EEFSEC: variants seen among roughly 807,000 people sequenced by gnomAD.
The protein encoded by EEFSEC is eukaryotic elongation factor, selenocysteine-tRNA specific.
In EEFSEC, 43 loss-of-function variants were observed where a neutral mutation model predicts 42.1. That is an observed-to-expected ratio of 1.02 (90% CI 0.80 to 1.32). The LOEUF (loss-of-function observed/expected upper bound fraction) is 1.32, where lower values mean the gene tolerates loss of function less well. Among genes scored for constraint, EEFSEC ranks in the 40% most tolerant of loss-of-function variants. The pLI is 0.00. For missense variants in EEFSEC, 745 were observed against 803.6 expected (o/e 0.93, Z 0.88); for synonymous variants, 354 against 339.1 (o/e 1.04, Z -0.48).
At chr3:128,357,050 T>C (rs1483420863) in intron 5 of EEFSEC, among the ~76,000 whole-genome samples, 1 of 152,216 alleles carries the variant, frequency 6.6e-6, no homozygotes, top group Non-Finnish European at 1.5e-5. Context: ...ATGGTCCAGA[T>C]GGTGTGTGCA....
At chr3:128,296,527 T>C (rs945050571) in intron 4 of EEFSEC, among the ~76,000 whole-genome samples, 4 of 152,208 alleles carry the variant, frequency 2.6e-5, no homozygotes, top group Non-Finnish European at 4.4e-5. Flanking sequence ...TCTCCTGTTT[T>C]CTCAGCATAC....
rs369404261 is a variant in EEFSEC at position 128,223,847 on chromosome 3, G to A, written c.317-22989G>A. Among the ~76,000 whole-genome samples the A allele has an allele frequency of 1.1e-3, 162 of 151,036 alleles. 3 individuals carry two copies. In the South Asian group the frequency reaches 0.032, roughly 30 times the overall value. On this transcript the variant is annotated intron_variant, in intron 1 of 6. Transcript: ENST00000254730. ...ACAAGCGAAGAAAACAGGAAAAGAA[G>A]AAATCATTTGAAATGACATCAAAGA...
the EEFSEC span, among the ~76,000 whole-genome samples, chr3:128,414,683 T>C: frequency 6.6e-6 from 1 of 152,204 alleles, no homozygotes; most frequent in South Asian, 2.1e-4. Context: ...CTAACGTCAA[T>C]GCCATCATCA....
chr3:128,257,703 A>G (rs1204050671), intron 2 of EEFSEC, among the ~76,000 whole-genome samples: 1 of 152,246 alleles, frequency 6.6e-6, no homozygotes, highest in Non-Finnish European at 1.5e-5. Flanking sequence ...ACTAAATTAA[A>G]TTATGTTGTT....
chr3:128,153,679 G>A lies in EEFSEC; in HGVS notation c.172G>A (p.Val58Met). 1 of 1,594,886 alleles carries A rather than the reference G, an allele frequency of 6.3e-7. No individual in the cohort carries two copies. The highest frequency in any genetic ancestry group is 2.3e-5 in the East Asian group (1 of 44,396). ...CGATCTGGGCTTCTCGTGCTTCTCG[G>A]TGCCGCTGCCCGCGCGCCTGCGGTC... is the stretch of plus-strand genomic sequence containing the variant. ...TLDLGFSCFS[V>M]PLPARLRSSL... Residue 58 changes from valine to methionine, a missense_variant, in exon 1 of 7, where the codon GTG (valine) becomes ATG (methionine). Val to Met is a conservative substitution (Grantham distance 21). Coordinates refer to ENST00000254730, the MANE Select transcript of EEFSEC (RefSeq NM_021937.5).
intron 6 of EEFSEC, among the ~76,000 whole-genome samples, chr3:128,398,988 C>T (rs567398358): frequency 1.1e-4 from 17 of 152,192 alleles, no homozygotes; most frequent in Admixed American, 2.6e-4. Flanking sequence ...AACTTTCCTC[C>T]GCAGAGGCTG....
At chr3:128,263,186 C>T (rs895719087) in intron 3 of EEFSEC, among the ~76,000 whole-genome samples, 3 of 152,192 alleles carry the variant, frequency 2.0e-5, no homozygotes. Flanking sequence ...TTGACATTCA[C>T]AAAAACTCAG....
intron 6 of EEFSEC, among the ~76,000 whole-genome samples, chr3:128,402,787 T>G (rs1246379474): frequency 6.6e-6 from 1 of 152,200 alleles, no homozygotes; most frequent in Non-Finnish European, 1.5e-5. Flanking sequence ...TTCAGGTTCT[T>G]GGAAAACCAG....
At chr3:128,194,985 T>A (rs940062) in intron 1 of EEFSEC, among the ~76,000 whole-genome samples, 19,856 of 152,248 alleles carry the variant, frequency 0.13, 1,536 homozygotes, top group Admixed American at 0.2. Flanking sequence ...CCCTCCTCCC[T>A]CCTCGCTCCT....
At chr3:128,298,489 G>A (rs1369102113) in intron 4 of EEFSEC, among the ~76,000 whole-genome samples, 13 of 152,144 alleles carry the variant, frequency 8.5e-5, no homozygotes, top group Non-Finnish European at 1.9e-4. Flanking sequence ...ATATTTGGGG[G>A]CACATATGAT....
At chr3:128,425,675 C>T in the EEFSEC span, among the ~76,000 whole-genome samples, 1,412 of 152,312 alleles carry the variant, frequency 9.3e-3, 15 homozygotes, top group African/African-American at 0.032. Context: ...CTCCCAGTGA[C>T]GGAAATGGCC....
intron 4 of EEFSEC, among the ~76,000 whole-genome samples, chr3:128,325,031 G>A (rs115328915): frequency 0.012 from 1,835 of 152,264 alleles, 42 homozygotes; most frequent in African/African-American, 0.041. Context: ...CGGCCAGTCC[G>A]TGCACTTGTT....
intron 1 of EEFSEC, among the ~76,000 whole-genome samples, chr3:128,179,369 G>C (rs1257941577): frequency 1.3e-5 from 2 of 152,204 alleles, no homozygotes; most frequent in Non-Finnish European, 2.9e-5. Context: ...AAATGCCTTA[G>C]GTCAGTTCAG....
At chr3:128,425,044 G>T in the EEFSEC span, among the ~76,000 whole-genome samples, 1 of 152,068 alleles carries the variant, frequency 6.6e-6, no homozygotes, top group Non-Finnish European at 1.5e-5. Flanking sequence ...TAAAATTGTT[G>T]TTTGTCACAT....
At chr3:128,365,573 C>T (rs1056104318) in intron 6 of EEFSEC, among the ~76,000 whole-genome samples, 1 of 151,704 alleles carries the variant, frequency 6.6e-6, no homozygotes, top group African/African-American at 2.4e-5. Context: ...GTGCTGTGTG[C>T]ACCCACCCCT....
intron 1 of EEFSEC, among the ~76,000 whole-genome samples, chr3:128,182,083 G>T (rs2065412135): frequency 6.6e-6 from 1 of 152,188 alleles, no homozygotes; most frequent in Non-Finnish European, 1.5e-5. Context: ...AAAGTGCCGG[G>T]ATTACAGGCA....
At chr3:128,244,511 C>T (rs1025943461) in intron 1 of EEFSEC, among the ~76,000 whole-genome samples, 3 of 150,614 alleles carry the variant, frequency 2.0e-5, no homozygotes, top group African/African-American at 4.9e-5. Flanking sequence ...GGGCTCTTAG[C>T]ATGAGAAGGG....
At chr3:128,238,961 G>T (rs1222413118) in intron 1 of EEFSEC, among the ~76,000 whole-genome samples, 2 of 152,238 alleles carry the variant, frequency 1.3e-5, no homozygotes, top group Non-Finnish European at 2.9e-5. Context: ...GACTCTTAAT[G>T]CATCATGGGA....
intron 1 of EEFSEC, among the ~76,000 whole-genome samples, chr3:128,245,801 A>C (rs926424146): frequency 3.9e-5 from 6 of 152,170 alleles, no homozygotes; most frequent in Non-Finnish European, 8.8e-5. Flanking sequence ...AAGCTGACCT[A>C]GTGTGCGTAG....
Sources: allele counts gnomAD v4.1 joint callset (sites outside exome capture counted in the v4.1 genomes callset), GRCh38; gene constraint gnomAD v4.1.1; transcripts MANE v1.5; gene names NCBI Gene and HGNC (gene_info 2026-07-23, HGNC 2026-07-21).